KCNA6: variants seen among roughly 807,000 people sequenced by gnomAD.
KCNA6 encodes human brain potassium channel-2.
A neutral mutation model predicts 29.5 loss-of-function variants in KCNA6; 17 were observed. That is an observed-to-expected ratio of 0.58 (90% CI 0.39 to 0.86). The LOEUF is 0.86. KCNA6 is among the 40% of genes least tolerant of loss of function. KCNA6 has a pLI of 0.00. For synonymous variants in KCNA6, 296 were observed against 304.7 expected, an observed-to-expected ratio of 0.97 and a Z score of 0.30; for missense variants, 450 against 703.4, an observed-to-expected ratio of 0.64 and a Z score of 4.07.
chr12:4,816,249 GGTGTGTGTGTGTGTGTGTGTGTGTGTGT>G (rs59638657), downstream of KCNA6, among the ~76,000 whole-genome samples: 3 of 142,640 alleles, frequency 2.1e-5, no homozygotes, highest in African/African-American at 7.9e-5. Flanking sequence ...ACCACGAACT[GGTGTGTGTGTGTGTGTGTGTGTGTGTGT>G]GTGTGTGTGT....
chr12:4,820,413 G>C, the KCNA6 span, among the ~76,000 whole-genome samples: 1 of 151,982 alleles, frequency 6.6e-6, no homozygotes, highest in African/African-American at 2.4e-5. Context: ...GAAGGAGACT[G>C]ATGCAGAGAA....
chr12:4,819,102 A>C, the KCNA6 span, among the ~76,000 whole-genome samples: 1 of 152,210 alleles, frequency 6.6e-6, no homozygotes, highest in Non-Finnish European at 1.5e-5. Flanking sequence ...GCTTATACAT[A>C]TACCCACGTA....
chr12:4,824,197 A>G, the KCNA6 span, among the ~76,000 whole-genome samples: 9,121 of 152,320 alleles, frequency 0.06, 304 homozygotes, highest in African/African-American at 0.095. Context: ...GCATTCAGCA[A>G]AAGTTATTAT....
At chr12:4,825,456 T>A in the KCNA6 span, among the ~76,000 whole-genome samples, 1 of 152,198 alleles carries the variant, frequency 6.6e-6, no homozygotes, top group Admixed American at 6.5e-5. Context: ...ATCCCCCTTT[T>A]ATAGTAATGT....
At chr12:4,827,206 C>CTCCTTCCTTCCTTCCTCCTTCCT in the KCNA6 span, among the ~76,000 whole-genome samples, 1 of 113,826 alleles carries the variant, frequency 8.8e-6, no homozygotes, top group East Asian at 3.2e-4. Flanking sequence ...CCTTCCTTCC[C>CTCCTTCCTTCCTTCCTCCTTCCT]TCCTTCCTTC....
the KCNA6 span, among the ~76,000 whole-genome samples, chr12:4,833,759 G>C: frequency 6.6e-6 from 1 of 152,054 alleles, no homozygotes; most frequent in Non-Finnish European, 1.5e-5. Context: ...AACTTCCCCA[G>C]CTGTCTCCTA....
chr12:4,832,877 G>A, the KCNA6 span, among the ~76,000 whole-genome samples: 1 of 152,078 alleles, frequency 6.6e-6, no homozygotes, highest in Non-Finnish European at 1.5e-5. Context: ...TACATTTTTA[G>A]ACTGTAAGAG....
At chr12:4,812,610 C>T (rs996744809) in exon 1 of KCNA6, 33 of 167,116 alleles carry the variant, frequency 2.0e-4, no homozygotes, top group African/African-American at 7.7e-4. Flanking sequence ...CCCACATTTT[C>T]TCTGGCCCTC....
chr12:4,810,956 C>T lies in KCNA6; in HGVS notation c.915C>T (p.Phe305=). Residue 305 remains phenylalanine (F), a synonymous_variant, in exon 1 of 1, where the codon TTC becomes TTT. Coordinates refer to ENST00000280684, the Ensembl canonical transcript of KCNA6. This position sits in a 1 kb window ranked among gnomAD's most constrained non-coding sequence, Gnocchi z 7.5. ...ACATCATTGACTTGGTGGCTATCTT[C>T]CCCTACTTCATCACCCTGGGCACTG... is the stretch of plus-strand genomic sequence containing the variant. 6.2e-7 allele frequency: 1 copy of T among 1,614,266 alleles called. No homozygotes were observed. Among genetic ancestry groups the T allele is most frequent in the East Asian group, 2.2e-5 (1 of 44,878 alleles).
the KCNA6 span, among the ~76,000 whole-genome samples, chr12:4,849,916 T>G: frequency 6.6e-6 from 1 of 152,256 alleles, no homozygotes; most frequent in East Asian, 1.9e-4. Flanking sequence ...TACGCTGGCT[T>G]GCCCTTGGAG....
At chr12:4,819,186 T>A in the KCNA6 span, among the ~76,000 whole-genome samples, 1 of 152,152 alleles carries the variant, frequency 6.6e-6, no homozygotes, top group East Asian at 1.9e-4. Flanking sequence ...TTTCTATGGA[T>A]CCCTTTCTCA....
the KCNA6 span, among the ~76,000 whole-genome samples, chr12:4,833,799 G>A: frequency 5.9e-5 from 9 of 152,098 alleles, no homozygotes; most frequent in Middle Eastern, 3.2e-3. Flanking sequence ...TGGTTAGGGC[G>A]GGGCTGTCCT....
At chr12:4,827,206 C>CCTTCCTCCT in the KCNA6 span, among the ~76,000 whole-genome samples, 316 of 113,908 alleles carry the variant, frequency 2.8e-3, 5 homozygotes, top group African/African-American at 0.01. Flanking sequence ...CCTTCCTTCC[C>CCTTCCTCCT]TCCTTCCTTC....
the KCNA6 span, among the ~76,000 whole-genome samples, chr12:4,835,980 C>T: frequency 1.4e-5 from 2 of 146,514 alleles, no homozygotes; most frequent in Non-Finnish European, 3.0e-5. Context: ...GCTCTTGTTG[C>T]CCAGGCTGGA....
At chr12:4,838,623 C>T in the KCNA6 span, among the ~76,000 whole-genome samples, 3 of 152,216 alleles carry the variant, frequency 2.0e-5, 1 homozygote, top group Admixed American at 2.0e-4. Context: ...CATAACCTAT[C>T]TGCCATAACT....
chr12:4,822,126 C>T, the KCNA6 span, among the ~76,000 whole-genome samples: 9 of 152,240 alleles, frequency 5.9e-5, no homozygotes, highest in East Asian at 1.9e-4. Context: ...TGAGCCACCG[C>T]GCCCGGCCCG....
At chr12:4,837,320 A>G in the KCNA6 span, among the ~76,000 whole-genome samples, 14 of 152,314 alleles carry the variant, frequency 9.2e-5, no homozygotes, top group African/African-American at 3.1e-4. Context: ...TAATAAACCC[A>G]TAAATGTAAG....
At chr12:4,837,464 G>A in the KCNA6 span, among the ~76,000 whole-genome samples, 1 of 152,154 alleles carries the variant, frequency 6.6e-6, no homozygotes, top group Non-Finnish European at 1.5e-5. Context: ...ACTGGCACTG[G>A]AAGTTGGGGG....
At chr12:4,820,591 A>ACACACACTCT in the KCNA6 span, among the ~76,000 whole-genome samples, 3 of 144,502 alleles carry the variant, frequency 2.1e-5, no homozygotes, top group African/African-American at 7.6e-5. Flanking sequence ...ACACACACAC[A>ACACACACTCT]CTCTTAAAAA....
Sources: gnomAD v4.1 joint callset for allele counts (sites outside exome capture counted in the v4.1 genomes callset) on GRCh38, gnomAD v4.1.1 for gene constraint, Gnocchi (gnomAD v3.1) non-coding constraint, MANE v1.5 for transcripts, NCBI Gene and HGNC (gene_info 2026-07-23, HGNC 2026-07-21) for gene names.